The following ZNF541 variants were observed in gnomAD, a reference collection of about 807,000 sequenced individuals.
ZNF541 encodes the protein zinc finger protein 541.
Under a neutral mutation model 123.5 loss-of-function variants are expected in ZNF541, and 23 were observed. The observed-to-expected ratio is 0.19, with a 90% CI of 0.13 to 0.26. The LOEUF (loss-of-function observed/expected upper bound fraction) is 0.26, where lower values mean the gene tolerates loss of function less well. Ranked by LOEUF, ZNF541 falls within the 10% of genes least tolerant of loss-of-function variation. ZNF541 has a pLI of 1.00. For missense variants in ZNF541, 1,612 were observed against 1,789.9 expected (o/e 0.90, Z 1.79); for synonymous variants, 751 against 754.5 (o/e 1.00, Z 0.08).
chr19:47,568,237 A>C (rs1199272216), intron 2 of ZNF541, among the ~76,000 whole-genome samples: 2 of 152,146 alleles, frequency 1.3e-5, no homozygotes, highest in African/African-American at 4.8e-5. Flanking sequence ...CTCTCCCTGC[A>C]TCCATGTTAC....
intron 14 of ZNF541, among the ~76,000 whole-genome samples, chr19:47,523,593 TC>T (rs1435260243): frequency 1.3e-5 from 2 of 152,046 alleles, no homozygotes; most frequent in Non-Finnish European, 2.9e-5. Context: ...TACCCTCTCG[TC>T]CAAAACAATG....
chr19:47,549,533 GCGAAAAGCA>G, intron 3 of ZNF541, 48 bp from the exon 4 acceptor site: 3 of 1,546,724 alleles, frequency 1.9e-6, no homozygotes, highest in Non-Finnish European at 2.6e-6. Context: ...AGGCAACCAA[GCGAAAAGCA>G]CGACTAAGGC....
In ZNF541 at chr19:47,540,873, T is replaced by C; in HGVS notation, c.2462+20A>G. On this transcript the variant is annotated intron_variant, in intron 6 of 16. Transcript: ENST00000391901. The stretch of plus-strand genomic sequence containing the variant: ...GACTCCTGCCAGGGTGCATGCAGGA[T>C]CGGGGGCTTCTTAACTTACCCTCTG... The C allele has an allele frequency of 6.4e-7, 1 of 1,550,864 alleles. No homozygotes were observed. Among genetic ancestry groups the C allele is most frequent in the Non-Finnish European group, 8.7e-7 (1 of 1,146,698 alleles).
At chr19:47,570,476 C>G (rs949702191) in intron 2 of ZNF541, among the ~76,000 whole-genome samples, 12 of 146,186 alleles carry the variant, frequency 8.2e-5, no homozygotes, top group Non-Finnish European at 1.6e-4. Flanking sequence ...ACTCAGGAGG[C>G]TGAGGCATGA....
At chr19:47,541,072 G>A in intron 5 of ZNF541, 121 bp from the exon 6 acceptor site, 2 of 903,594 alleles carry the variant, frequency 2.2e-6, no homozygotes, top group Non-Finnish European at 3.3e-6. Context: ...TTAGACAGTG[G>A]TTTCTTAGAT....
chr19:47,566,545 A>G (rs1328253196), intron 2 of ZNF541, among the ~76,000 whole-genome samples: 1 of 152,086 alleles, frequency 6.6e-6, no homozygotes, highest in Non-Finnish European at 1.5e-5. Flanking sequence ...CAGGAGTTCA[A>G]GACCAGCCTG....
At chr19:47,563,070 T>C (rs1167715828) in intron 2 of ZNF541, among the ~76,000 whole-genome samples, 3 of 152,172 alleles carry the variant, frequency 2.0e-5, no homozygotes, top group East Asian at 3.9e-4. Context: ...TGATATGTAA[T>C]AGAACCTCTG....
At position 47,521,788 on chromosome 19, in the gene ZNF541, C is replaced by T. The variant is rs1969043999; in HGVS notation, c.3711+66G>A. On this transcript the variant is annotated intron_variant, in intron 15 of 16. Coordinates refer to ENST00000391901, the MANE Select transcript of ZNF541 (RefSeq NM_001277075.3). The surrounding 1 kb of genome is among the most constrained non-coding windows in gnomAD (Gnocchi z 4.2). ...CACCCCCGCCCTCTGACCCCACCGT[C>T]CAACTCAACGGGTAGCAGGCACTGG... is the stretch of plus-strand genomic sequence containing the variant. The T allele has an allele frequency of 6.5e-7, 1 of 1,534,664 alleles. No homozygotes were observed. The highest frequency in any genetic ancestry group is 8.8e-7 in the Non-Finnish European group (1 of 1,137,110).
intron 2 of ZNF541, among the ~76,000 whole-genome samples, chr19:47,564,283 A>G (rs1599740734): frequency 6.6e-6 from 1 of 152,170 alleles, no homozygotes; most frequent in Admixed American, 6.6e-5. Context: ...TCAGGTTACA[A>G]CCTCAGACAG....
rs1338766995 is a variant in ZNF541 at position 47,544,477 on chromosome 19, T to C, written c.2052A>G (p.Lys684=). The change falls in exon 5 of 17, where the codon AAA becomes AAG. Residue 684 remains lysine, a synonymous_variant. Transcript: ENST00000391901. ...SSLAKQLRSS[K]GTLDLEDIFP... is the part of the protein sequence containing the mutation. ...AGATGTCCTCCAGGTCCAAGGTCCC[T>C]TTAGAGGATCGCAGCTGCTTGGCCA... The C allele has an allele frequency of 1.9e-6, 3 of 1,551,560 alleles. No individual in the cohort carries two copies. The highest frequency in any genetic ancestry group is 2.6e-6 in the Non-Finnish European group (3 of 1,146,990).
intron 7 of ZNF541, 85 bp from the exon 8 acceptor site, chr19:47,539,963 T>A: frequency 6.7e-7 from 1 of 1,494,662 alleles, no homozygotes. Context: ...AAAGCTGTCA[T>A]AGAAAACAGC....
intron 9 of ZNF541, among the ~76,000 whole-genome samples, 193 bp downstream of exon 9, chr19:47,537,949 C>T (rs970043096): frequency 1.3e-5 from 2 of 152,162 alleles, no homozygotes; most frequent in Admixed American, 1.3e-4. Flanking sequence ...CGTTTTCTTT[C>T]GGGCTGTAAA....
chr19:47,554,385 T>C (rs1355990518), intron 3 of ZNF541, among the ~76,000 whole-genome samples: 2 of 152,130 alleles, frequency 1.3e-5, no homozygotes, highest in African/African-American at 4.8e-5. Context: ...GAGCCGAGAT[T>C]GTGCCACTGC....
Position 47,545,516 on chromosome 19 carries a change from G to C in ZNF541, c.1013C>G (p.Pro338Arg), listed in dbSNP as rs1970306182. ...GGCCGGCTCTTTCTGTGGGAGGCAA[G>C]GCTCCTCGGGAAGCTCGGTGTCCAG... ...AALDTELPEE[P>R]CLPQKEPATD... The change falls in exon 5 of 17, where the codon CCT (proline) becomes CGT (arginine). Residue 338 changes from proline (P) to arginine (R), a missense_variant. By Grantham distance (103) the Pro-to-Arg change is moderately radical. Around this residue, in one of 5 missense-constraint regions of ZNF541, gnomAD observed 1,080 missense variants for 1,013.8 expected, o/e 1.07. Coordinates refer to ENST00000391901, the MANE Select transcript of ZNF541 (RefSeq NM_001277075.3). The surrounding 1 kb of genome is among the most constrained non-coding windows in gnomAD (Gnocchi z 7.5). 1.3e-6 allele frequency: 2 copies of C among 1,509,368 alleles called. No homozygotes were observed. The highest frequency in any genetic ancestry group is 1.8e-6 in the Non-Finnish European group (2 of 1,124,936). 93.5% of individuals were successfully genotyped at this position (1,509,368 alleles called of 1,614,324 possible).
Position 47,529,677 on chromosome 19 carries a change from G to T in ZNF541, c.3406-25C>A, listed in dbSNP as rs547820225. On this transcript the variant is annotated intron_variant, in intron 12 of 16. Coordinates refer to ENST00000391901, the MANE Select transcript of ZNF541 (RefSeq NM_001277075.3). ...CCTGGAACAAGAGGAGCGACAGGCT[G>T]CCCAGGACCAGGTGGGGGAAGAGGA... 236 of 1,549,340 alleles carry T rather than the reference G, an allele frequency of 1.5e-4. No homozygotes were observed. In the African/African-American group the frequency reaches 2.7e-3, roughly 18 times the overall value.
intron 3 of ZNF541, among the ~76,000 whole-genome samples, chr19:47,555,140 C>T (rs1232385351): frequency 8.0e-5 from 12 of 150,630 alleles, no homozygotes; most frequent in Admixed American, 6.7e-4. Context: ...GAGGCTGAGG[C>T]GGGCGGATCA....
chr19:47,539,134 G>C (rs1271150976), intron 8 of ZNF541, among the ~76,000 whole-genome samples: 1 of 152,036 alleles, frequency 6.6e-6, no homozygotes, highest in Admixed American at 6.6e-5. Context: ...GGACAGGCCT[G>C]TCTCCTCCAC....
In ZNF541 at chr19:47,555,972, A is replaced by C. The variant is rs1262980771; in HGVS notation, c.-98-18T>G. On this transcript the variant is annotated intron_variant, in intron 2 of 16. Transcript: ENST00000391901. ...ACTAATTCCTGAAAATGAAGCAAGA[A>C]GAATGAAAGTTATTAGGTGGCAAAA... The C allele has an allele frequency of 8.9e-7, 1 of 1,119,212 alleles. No individual in the cohort carries two copies. The highest frequency in any genetic ancestry group is 2.6e-5 in the East Asian group (1 of 38,468). The allele number at this position is 1,119,212 out of a possible 1,614,324, so 69.3% of individuals were successfully genotyped here. A position where few individuals can be genotyped will look rare whatever the true frequency, so the allele number is the denominator to read the frequency against.
chr19:47,538,776 G>A (rs1232715618), intron 8 of ZNF541, among the ~76,000 whole-genome samples: 1 of 152,126 alleles, frequency 6.6e-6, no homozygotes, highest in African/African-American at 2.4e-5. Flanking sequence ...CCACCCAAAT[G>A]ACAAGCACCG....
Sources: gnomAD v4.1 joint callset for allele counts (sites outside exome capture counted in the v4.1 genomes callset) on GRCh38, gnomAD v4.1.1 for gene constraint, gnomAD v4.1.1 regional missense constraint, Gnocchi (gnomAD v3.1) non-coding constraint, MANE v1.5 for transcripts, NCBI Gene and HGNC (gene_info 2026-07-23, HGNC 2026-07-21) for gene names.